HS3ST3A1: variants seen among roughly 807,000 people sequenced by gnomAD.
HS3ST3A1 encodes the protein heparan sulfate-glucosamine 3-sulfotransferase 3A1, also known as heparan sulfate glucosamine 3-O-sulfotransferase 3A1.
HS3ST3A1 carries 19 observed loss-of-function variants against 25.7 expected under a neutral mutation model. The ratio of observed to expected loss-of-function variants is 0.74; its 90% CI spans 0.52 to 1.08. HS3ST3A1 has a LOEUF of 1.08. HS3ST3A1 is among the 50% of genes least tolerant of loss of function. HS3ST3A1 has a pLI of 0.00. For synonymous variants in HS3ST3A1, 226 were observed against 278.6 expected (o/e 0.81, Z 1.88); for missense variants, 459 against 594.3 (o/e 0.77, Z 2.37).
In HS3ST3A1 at chr17:13,601,087, C is replaced by T; in HGVS notation, c.43G>A (p.Glu15Lys). 1.9e-6 allele frequency: 3 copies of T among 1,593,020 alleles called. No individual in the cohort carries two copies. Among genetic ancestry groups the T allele is most frequent in the South Asian group, 1.1e-5 (1 of 87,838 alleles). ...CGGAAGATGCTGCGGGACAGCGGCTCGGCCGAGGTGGAGAGGGCACTGGCC... is the reference window on the plus strand; with the variant it reads ...CGGAAGATGCTGCGGGACAGCGGCTTGGCCGAGGTGGAGAGGGCACTGGCC... ...GPASALSTSA[E>K]PLSRSIFRKF... is the part of the protein sequence containing the mutation. The change falls in exon 1 of 2, where the codon GAG becomes AAG. Residue 15 changes from glutamate to lysine, a missense_variant. Glu to Lys is a moderately conservative substitution (Grantham distance 56). Transcript: ENST00000284110.
intron 1 of HS3ST3A1, among the ~76,000 whole-genome samples, chr17:13,514,894 G>A (rs896133166): frequency 2.6e-5 from 4 of 152,024 alleles, no homozygotes; most frequent in Admixed American, 1.3e-4. Flanking sequence ...AACAAAATAA[G>A]AATTTTACTG....
rs1032787568 is a variant in HS3ST3A1, at chr17:13,574,287, C to G, written c.599+26244G>C. 2.0e-5 allele frequency among the ~76,000 whole-genome samples: 3 copies of G among 151,902 alleles called. 1 individual carries two copies. In the South Asian group the frequency reaches 6.2e-4, roughly 32 times the overall value. The stretch of plus-strand genomic sequence containing the variant: ...TAGCTGGGACTACAGGTGTGTGTCA[C>G]CACGCCTGGCTAATTTTTTGTGTTT... On this transcript the variant is annotated intron_variant, in intron 1 of 1. Transcript: ENST00000284110.
In HS3ST3A1 at chr17:13,600,524, C is replaced by G. The variant is rs1327156692; in HGVS notation, c.599+7G>C. 1.3e-6 allele frequency: 2 copies of G among 1,589,764 alleles called. No homozygotes were observed. Among genetic ancestry groups the G allele is most frequent in the Middle Eastern group, 1.7e-4 (1 of 5,938 alleles). On this transcript the variant is annotated splice_region_variant and intron_variant, in intron 1 of 1. Coordinates refer to ENST00000284110, the MANE Select transcript of HS3ST3A1 (RefSeq NM_006042.3). Reference sequence around the variant, plus strand: ...CTTCAGCCCCAGCCCGGGCCCGCCCCGCTCACCGGTACCAGGCGAGGCCCT... The same window carrying G: ...CTTCAGCCCCAGCCCGGGCCCGCCCGGCTCACCGGTACCAGGCGAGGCCCT...
chr17:13,557,952 G>GT (rs1907426431), intron 1 of HS3ST3A1, among the ~76,000 whole-genome samples: 1 of 152,208 alleles, frequency 6.6e-6, no homozygotes, highest in South Asian at 2.1e-4. Context: ...ACAGAATCCT[G>GT]TAAGTTACCT....
At chr17:13,597,821 C>T (rs150314656) in intron 1 of HS3ST3A1, among the ~76,000 whole-genome samples, 224 of 152,294 alleles carry the variant, frequency 1.5e-3, no homozygotes, top group African/African-American at 5.0e-3. Context: ...GAGTAATTGA[C>T]TGAAAAAGTT....
chr17:13,596,901 C>A (rs572565943), intron 1 of HS3ST3A1, among the ~76,000 whole-genome samples: 131 of 152,204 alleles, frequency 8.6e-4, no homozygotes, highest in African/African-American at 3.1e-3. Context: ...GCTCAGTATG[C>A]CTCTCTAATG....
chr17:13,496,024 G>T lies in HS3ST3A1; in HGVS notation c.*173C>A. 1 of 753,498 alleles carries T rather than the reference G, an allele frequency of 1.3e-6. No individual in the cohort carries two copies. The highest frequency in any genetic ancestry group is 2.0e-6 in the Non-Finnish European group (1 of 502,492). The allele number at this position is 753,498 out of a possible 1,614,324, so 46.7% of individuals were successfully genotyped here. On this transcript the variant is annotated 3_prime_UTR_variant, in exon 2 of 2. Coordinates refer to ENST00000284110, the MANE Select transcript of HS3ST3A1 (RefSeq NM_006042.3). ...ATTTTCCTTTTCTGTTGATCCACGT[G>T]TTTGGTGTTGGTTATACATTAAGAT...
chr17:13,516,994 G>C (rs1163268061), intron 1 of HS3ST3A1, among the ~76,000 whole-genome samples: 3 of 152,164 alleles, frequency 2.0e-5, no homozygotes, highest in African/African-American at 7.2e-5. Flanking sequence ...CCAAGGCAGA[G>C]GTTCCTAACT....
At chr17:13,526,955 C>T (rs893394694) in intron 1 of HS3ST3A1, among the ~76,000 whole-genome samples, 4 of 152,114 alleles carry the variant, frequency 2.6e-5, no homozygotes, top group Non-Finnish European at 4.4e-5. Flanking sequence ...ACCCGGCCCA[C>T]AGTGGTGGTT....
intron 1 of HS3ST3A1, among the ~76,000 whole-genome samples, chr17:13,569,592 C>T (rs1907753944): frequency 6.6e-6 from 1 of 152,094 alleles, no homozygotes; most frequent in African/African-American, 2.4e-5. Context: ...GGCCAGTGTC[C>T]CCCAGCCATG....
intron 1 of HS3ST3A1, among the ~76,000 whole-genome samples, chr17:13,506,151 A>G (rs1246862892): frequency 7.7e-6 from 1 of 129,790 alleles, no homozygotes; most frequent in Non-Finnish European, 1.6e-5. Context: ...TATTAGTTTT[A>G]TTCTAAACTA....
In HS3ST3A1 at chr17:13,600,599, G is replaced by A. The variant is rs368104034; in HGVS notation, c.531C>T (p.Asp177=). The change falls in exon 1 of 2, where the codon GAC becomes GAT. Residue 177 remains aspartate (D), a synonymous_variant. Coordinates refer to ENST00000284110, the MANE Select transcript of HS3ST3A1 (RefSeq NM_006042.3). ...GGGGCTCGGCGCCCACGGCGCGCAC[G>A]TCGGGGTGCACGCGCAGGAACTCCA... ...ALLEFLRVHP[D]VRAVGAEPHF... The A allele has an allele frequency of 8.8e-5, 141 of 1,600,562 alleles. No homozygotes were observed. Among genetic ancestry groups the A allele is most frequent in the South Asian group, 4.9e-4 (44 of 90,386 alleles).
Position 13,600,947 on chromosome 17 carries a change from C to A in HS3ST3A1, c.183G>T (p.Glu61Asp), listed in dbSNP as rs1287559677. ...GPVVGLSGGG[E>D]EAGAPGGGVL... ...CGCCGCCACCAGGGGCCCCCGCCTC[C>A]TCGCCGCCGCCGGACAGCCCCACGA... The change falls in exon 1 of 2, where the codon GAG becomes GAT. Residue 61 changes from glutamate to aspartate, a missense_variant. This residue lies in a region of HS3ST3A1 where 346 missense variants were observed against 303.9 expected (regional missense o/e 1.14). Coordinates refer to ENST00000284110, the MANE Select transcript of HS3ST3A1 (RefSeq NM_006042.3). The A allele has an allele frequency of 2.6e-6, 4 of 1,535,796 alleles. No individual in the cohort carries two copies.
intron 1 of HS3ST3A1, among the ~76,000 whole-genome samples, chr17:13,545,605 C>A (rs908725456): frequency 4.6e-5 from 7 of 152,188 alleles, no homozygotes; most frequent in Admixed American, 4.6e-4. Flanking sequence ...CCAGTGTTTG[C>A]TGATCCTGGA....
At position 13,553,554 on chromosome 17, in the gene HS3ST3A1, T is replaced by C. The variant is rs946756849; in HGVS notation, c.599+46977A>G. On this transcript the variant is annotated intron_variant, in intron 1 of 1. Transcript: ENST00000284110. ...GACCTGTCCAGATTAGATTACATTC[T>C]AAATAAAAAATCCATATCTCAAATT... Among the ~76,000 whole-genome samples, 10 of 152,320 alleles carry C rather than the reference T, an allele frequency of 6.6e-5. 1 individual carries two copies. The highest frequency in any genetic ancestry group is 2.4e-4 in the African/African-American group (10 of 41,568).
At chr17:13,547,386 T>G (rs1907120039) in intron 1 of HS3ST3A1, among the ~76,000 whole-genome samples, 1 of 151,406 alleles carries the variant, frequency 6.6e-6, no homozygotes, top group Non-Finnish European at 1.5e-5. Flanking sequence ...CATTAGGGAG[T>G]TGGAACTTTT....
At chr17:13,597,491 G>A (rs1598437417) in intron 1 of HS3ST3A1, among the ~76,000 whole-genome samples, 1 of 152,206 alleles carries the variant, frequency 6.6e-6, no homozygotes, top group South Asian at 2.1e-4. Flanking sequence ...TTCATTGCAA[G>A]GGACTGCTTT....
chr17:13,571,078 G>A lies in HS3ST3A1; in HGVS notation c.599+29453C>T, dbSNP rs114028469. Among the ~76,000 whole-genome samples the A allele has an allele frequency of 5.7e-3, 868 of 152,242 alleles. 9 individuals carry two copies. The highest frequency in any genetic ancestry group is 0.02 in the African/African-American group (831 of 41,540). ...GTGCTATCAGCCCATACAAATTCAT[G>A]CGTAGTTAGAACTAGAGCCAAACTG... is the stretch of plus-strand genomic sequence containing the variant. On this transcript the variant is annotated intron_variant, in intron 1 of 1. Coordinates refer to ENST00000284110, the MANE Select transcript of HS3ST3A1 (RefSeq NM_006042.3).
intron 1 of HS3ST3A1, among the ~76,000 whole-genome samples, chr17:13,524,966 T>C (rs1906363706): frequency 6.6e-6 from 1 of 152,180 alleles, no homozygotes; most frequent in Non-Finnish European, 1.5e-5. Context: ...TAAAAATAGA[T>C]ATTTTTGTTT....
Sources: gnomAD v4.1 joint callset for allele counts (sites outside exome capture counted in the v4.1 genomes callset) on GRCh38, gnomAD v4.1.1 for gene constraint, gnomAD v4.1.1 regional missense constraint, MANE v1.5 for transcripts, NCBI Gene and HGNC (gene_info 2026-07-23, HGNC 2026-07-21) for gene names.